USP15: variants seen among roughly 807,000 people sequenced by gnomAD.
USP15 encodes ubiquitin specific peptidase 15, also known as ubiquitin carboxyl-terminal hydrolase 15.
In USP15, 18 loss-of-function variants were observed where a neutral mutation model predicts 127.1. The observed-to-expected ratio is 0.14, with a 90% CI of 0.10 to 0.21. USP15 has a LOEUF of 0.21. USP15 is among the 10% of genes least tolerant of loss of function. The pLI is 1.00. For missense variants in USP15, 805 were observed against 1,159.9 expected (o/e 0.69, Z 4.44); for synonymous variants, 364 against 393.7 (o/e 0.92, Z 0.89).
In USP15 at chr12:62,405,498, A is replaced by G. The variant is rs1296660338; in HGVS notation, c.*1123A>G. On this transcript the variant is annotated 3_prime_UTR_variant, in exon 22 of 22. Coordinates refer to ENST00000280377, the MANE Select transcript of USP15 (RefSeq NM_001252078.2). ...TCAGAACCTGTACAGTATATAAAGCATAAACACCTTGAATTTGATTTTAGT... is the reference window on the plus strand; with the variant it reads ...TCAGAACCTGTACAGTATATAAAGCGTAAACACCTTGAATTTGATTTTAGT... 1 of 152,618 alleles carries G rather than the reference A, an allele frequency of 6.6e-6. No individual in the cohort carries two copies. Among genetic ancestry groups the G allele is most frequent in the East Asian group, 1.9e-4 (1 of 5,198 alleles). 9.5% of individuals were successfully genotyped at this position (152,618 alleles called of 1,614,324 possible).
intron 6 of USP15, among the ~76,000 whole-genome samples, chr12:62,341,960 GT>G (rs1340790213): frequency 6.6e-6 from 1 of 151,462 alleles, no homozygotes; most frequent in Non-Finnish European, 1.5e-5. Context: ...CCTGAACTAG[GT>G]TGAGGAAGTT....
chr12:62,354,267 G>GA (rs1312897839), intron 7 of USP15, among the ~76,000 whole-genome samples: 1 of 151,742 alleles, frequency 6.6e-6, no homozygotes, highest in Non-Finnish European at 1.5e-5. Flanking sequence ...AAAATTATAA[G>GA]AAAAAACTAC....
intron 20 of USP15, among the ~76,000 whole-genome samples, chr12:62,396,938 C>T (rs1398784439): frequency 6.6e-6 from 1 of 152,060 alleles, no homozygotes; most frequent in Non-Finnish European, 1.5e-5. Context: ...TTTATGGTAT[C>T]GTATGTAAGA....
intron 8 of USP15, among the ~76,000 whole-genome samples, 190 bp downstream of exon 8, chr12:62,355,665 T>C (rs1216455343): frequency 6.6e-6 from 1 of 151,820 alleles, no homozygotes; most frequent in Non-Finnish European, 1.5e-5. Flanking sequence ...CTCAATTAGG[T>C]GACCTGTGAT....
chr12:62,345,492 A>G (rs995406272), intron 6 of USP15, among the ~76,000 whole-genome samples: 1 of 152,146 alleles, frequency 6.6e-6, no homozygotes, highest in Non-Finnish European at 1.5e-5. Flanking sequence ...GAGTCCTCCA[A>G]GTCTCCAGGA....
At chr12:62,394,597 C>T (rs2067426320) in intron 19 of USP15, among the ~76,000 whole-genome samples, 1 of 152,092 alleles carries the variant, frequency 6.6e-6, no homozygotes, top group South Asian at 2.1e-4. Context: ...CGCCTGTAAT[C>T]CCAGCACTTT....
chr12:62,365,616 A>G (rs2066451987), intron 8 of USP15, among the ~76,000 whole-genome samples: 1 of 152,108 alleles, frequency 6.6e-6, no homozygotes, highest in African/African-American at 2.4e-5. Flanking sequence ...TTTAGACATG[A>G]AGTCTTTGCT....
At chr12:62,344,856 T>C (rs1249005906) in intron 6 of USP15, among the ~76,000 whole-genome samples, 1 of 152,204 alleles carries the variant, frequency 6.6e-6, no homozygotes, top group Non-Finnish European at 1.5e-5. Context: ...AGCTGTACCT[T>C]GGCCCCTTTT....
chr12:62,379,651 A>G (rs1235424026), intron 8 of USP15, among the ~76,000 whole-genome samples: 2 of 152,164 alleles, frequency 1.3e-5, no homozygotes, highest in African/African-American at 4.8e-5. Context: ...CAATAATGGA[A>G]TGTTACATTC....
At chr12:62,309,969 T>C (rs556978358) in intron 3 of USP15, among the ~76,000 whole-genome samples, 7 of 152,016 alleles carry the variant, frequency 4.6e-5, no homozygotes, top group East Asian at 3.9e-4. Flanking sequence ...TATGGTAATA[T>C]AGTAAAAAGA....
At chr12:62,294,425 A>T in intron 2 of USP15, 119 bp downstream of exon 2, 2 of 1,087,014 alleles carry the variant, frequency 1.8e-6, no homozygotes, top group Non-Finnish European at 2.6e-6. Flanking sequence ...TGCATTACAG[A>T]TTTTACCTAA....
chr12:62,343,600 A>G (rs1244716187), intron 6 of USP15, among the ~76,000 whole-genome samples: 1 of 152,144 alleles, frequency 6.6e-6, no homozygotes, highest in African/African-American at 2.4e-5. Flanking sequence ...AAAGCGTAGT[A>G]CCCGGGCCAG....
rs1044357233 is a variant in USP15, at chr12:62,356,892, G to C, written c.915+1417G>C. On this transcript the variant is annotated intron_variant, in intron 8 of 21. Coordinates refer to ENST00000280377, the MANE Select transcript of USP15 (RefSeq NM_001252078.2). ...ATGGGACAGACAAATTATAATATCT[G>C]TTGGACCATCTCTGGAACATGTTTT... Among the ~76,000 whole-genome samples, 8 of 152,104 alleles carry C rather than the reference G, an allele frequency of 5.3e-5. No homozygotes were observed. The East Asian group carries it at 1.5e-3, about 29-fold the overall frequency.
intron 7 of USP15, among the ~76,000 whole-genome samples, chr12:62,353,786 T>G (rs2066034075): frequency 6.6e-6 from 1 of 152,074 alleles, no homozygotes; most frequent in African/African-American, 2.4e-5. Flanking sequence ...CTTTGTACTT[T>G]ATTAGTTACT....
chr12:62,289,161 A>G (rs1318348483), intron 1 of USP15, among the ~76,000 whole-genome samples: 2 of 152,116 alleles, frequency 1.3e-5, no homozygotes, highest in African/African-American at 2.4e-5. Context: ...TGGGATTGGT[A>G]CAAGTTCTTT....
At chr12:62,291,460 T>G (rs1328342093) in intron 1 of USP15, among the ~76,000 whole-genome samples, 1 of 152,214 alleles carries the variant, frequency 6.6e-6, no homozygotes, top group Admixed American at 6.5e-5. Context: ...ACATTTTCCA[T>G]GAATCTCATT....
intron 1 of USP15, among the ~76,000 whole-genome samples, chr12:62,284,805 A>C (rs539167812): frequency 6.6e-6 from 1 of 152,176 alleles, no homozygotes; most frequent in South Asian, 2.1e-4. Flanking sequence ...AGTCAGAATA[A>C]ATTTTTACAA....
chr12:62,391,480 T>C (rs768925245), intron 16 of USP15, 51 bp downstream of exon 16: 3 of 1,115,346 alleles, frequency 2.7e-6, no homozygotes, highest in Non-Finnish European at 3.6e-6. Context: ...GAGCATGTTA[T>C]TTTTTTTTTA....
intron 1 of USP15, among the ~76,000 whole-genome samples, chr12:62,284,298 T>C (rs1257768346): frequency 6.6e-6 from 1 of 152,236 alleles, no homozygotes; most frequent in African/African-American, 2.4e-5. Context: ...ATTGCTAGTC[T>C]AGTCAATATT....
Sources: gnomAD v4.1 joint callset for allele counts (sites outside exome capture counted in the v4.1 genomes callset) on GRCh38, gnomAD v4.1.1 for gene constraint, MANE v1.5 for transcripts, NCBI Gene and HGNC (gene_info 2026-07-23, HGNC 2026-07-21) for gene names.